The following ANKLE2 variants were observed in gnomAD, a reference collection of about 807,000 sequenced individuals.
ANKLE2 encodes ankyrin repeat and LEM domain containing 2.
A neutral mutation model predicts 84.2 loss-of-function variants in ANKLE2; 55 were observed. The ratio of observed to expected loss-of-function variants is 0.65; its 90% CI spans 0.53 to 0.82. The LOEUF is 0.82. Among genes scored for constraint, ANKLE2 ranks in the 40% least tolerant of loss-of-function variants. ANKLE2 has a pLI of 0.00. For synonymous variants in ANKLE2, 551 were observed against 486.1 expected, an observed-to-expected ratio of 1.13 and a Z score of -1.76; for missense variants, 1,238 against 1,201.9, an observed-to-expected ratio of 1.03 and a Z score of -0.44.
intron 11 of ANKLE2, among the ~76,000 whole-genome samples, chr12:132,729,053 C>T (rs1409612656): frequency 2.0e-5 from 3 of 151,918 alleles, no homozygotes; most frequent in Non-Finnish European, 4.4e-5. Flanking sequence ...GGCAAGTCCA[C>T]ACAAAAGCTT....
chr12:132,755,726 A>G (rs2044466468), intron 1 of ANKLE2: 1 of 151,076 alleles, frequency 6.6e-6, no homozygotes, highest in South Asian at 2.1e-4. Context: ...ACACCTAGCT[A>G]ATTTTTGTAT....
At chr12:132,747,716 G>A in intron 5 of ANKLE2, 116 bp downstream of exon 5, 1 of 1,315,036 alleles carries the variant, frequency 7.6e-7, no homozygotes, top group East Asian at 2.5e-5. Flanking sequence ...TGTAATTGAT[G>A]TATCTTTTCC....
chr12:132,736,481 G>A (rs2044011435), intron 8 of ANKLE2, among the ~76,000 whole-genome samples: 1 of 152,230 alleles, frequency 6.6e-6, no homozygotes, highest in African/African-American at 2.4e-5. Context: ...AAGCCAGCGG[G>A]GGCTGCAGCC....
At chr12:132,744,627 A>G (rs1382787917) in intron 5 of ANKLE2, among the ~76,000 whole-genome samples, 1 of 152,116 alleles carries the variant, frequency 6.6e-6, no homozygotes. Flanking sequence ...CCTGTACTCC[A>G]TCCTTCTGTC....
chr12:132,735,284 C>A (rs999691144), intron 9 of ANKLE2, 122 bp downstream of exon 9: 2 of 916,252 alleles, frequency 2.2e-6, no homozygotes, highest in Non-Finnish European at 3.6e-6. Context: ...ACGAAAAGGA[C>A]CAAGTCTCCC....
intron 2 of ANKLE2, among the ~76,000 whole-genome samples, chr12:132,754,214 C>G (rs1312387554): frequency 6.6e-6 from 1 of 152,116 alleles, no homozygotes; most frequent in Admixed American, 6.5e-5. Flanking sequence ...TGCACTCTGG[C>G]CTGGGCAACA....
At position 132,750,513 on chromosome 12, in the gene ANKLE2, G is replaced by A. The variant is rs771631143; in HGVS notation, c.847+130C>T. The A allele has an allele frequency of 1.0e-4, 91 of 893,608 alleles. No homozygotes were observed. The Middle Eastern group carries it at 1.6e-3, about 16-fold the overall frequency. 55.4% of individuals were successfully genotyped at this position (893,608 alleles called of 1,614,324 possible). ...AGCATCAGAGCCAGCATGGCCTCCT[G>A]GTCCACTGAGACCCCATCGACTCTA... On this transcript the variant is annotated intron_variant, in intron 3 of 12. Coordinates refer to ENST00000357997, the MANE Select transcript of ANKLE2 (RefSeq NM_015114.3).
intron 5 of ANKLE2, among the ~76,000 whole-genome samples, chr12:132,746,615 ATTTT>A (rs950547590): frequency 2.0e-5 from 3 of 151,040 alleles, no homozygotes; most frequent in Non-Finnish European, 4.4e-5. Context: ...CAAATTCATT[ATTTT>A]TTTTTAATGC....
rs764295659 is a variant in ANKLE2, at chr12:132,736,999, G to A, written c.1487C>T (p.Ser496Phe). The A allele has an allele frequency of 6.2e-7, 1 of 1,613,492 alleles. No individual in the cohort carries two copies. The highest frequency in any genetic ancestry group is 1.1e-5 in the South Asian group (1 of 91,064). ...AGAGGCCTCAGCCGTCTGGTCTGGG[G>A]ACCACAGCTCCCCGATGACTGGAGA... ...TSSPVIGELW[S>F]PDQTAEASHV... is the part of the protein sequence containing the mutation. The change falls in exon 8 of 13, where the codon TCC becomes TTC. Residue 496 changes from serine to phenylalanine, a missense_variant. Ser to Phe is a radical substitution (Grantham distance 155). Around this residue, in one of 3 missense-constraint regions of ANKLE2, gnomAD observed 802 missense variants for 774.5 expected, o/e 1.04. Coordinates refer to ENST00000357997, the MANE Select transcript of ANKLE2 (RefSeq NM_015114.3).
In ANKLE2 at chr12:132,743,242, A is replaced by G; in HGVS notation, c.1265T>C (p.Phe422Ser). ...CACGTTGACTACATCTGCATTTCCA[A>G]ACTTACAAGCAAAATGCAACGGTGT... ...YDTPLHFACK[F>S]GNADVVNVLS... The change falls in exon 6 of 13, where the codon TTT becomes TCT. Residue 422 changes from phenylalanine to serine, a missense_variant. By Grantham distance (155) the Phe-to-Ser change is radical (BLOSUM62 -2). Transcript: ENST00000357997. The surrounding 1 kb of genome is among the most constrained non-coding windows in gnomAD (Gnocchi z 4.1). 1 of 1,611,646 alleles carries G rather than the reference A, an allele frequency of 6.2e-7. No individual in the cohort carries two copies. The highest frequency in any genetic ancestry group is 8.5e-7 in the Non-Finnish European group (1 of 1,178,876).
chr12:132,754,637 C>G, intron 2 of ANKLE2, 38 bp downstream of exon 2: 1 of 1,552,294 alleles, frequency 6.4e-7, no homozygotes, highest in Non-Finnish European at 8.7e-7. Context: ...CGCGTATGTG[C>G]TATCTGTGTG....
Position 132,741,705 on chromosome 12 carries a change from T to C in ANKLE2, c.1354-220A>G, listed in dbSNP as rs1271546921. 4.5e-6 allele frequency: 3 copies of C among 660,068 alleles called. No homozygotes were observed. The African/African-American group carries it at 5.3e-5, about 12-fold the overall frequency. The allele number at this position is 660,068 out of a possible 1,614,324, so 40.9% of individuals were successfully genotyped here. Reference sequence around the variant, plus strand: ...ACACACTCTGGGATTATGGGTAAATTTACTTCTTGTTTGCGCTACTCGACA... The same window carrying C: ...ACACACTCTGGGATTATGGGTAAATCTACTTCTTGTTTGCGCTACTCGACA... On this transcript the variant is annotated intron_variant, in intron 6 of 12. Transcript: ENST00000357997.
chr12:132,737,132 G>C, intron 7 of ANKLE2, 67 bp from the exon 8 acceptor site: 1 of 1,502,118 alleles, frequency 6.7e-7, no homozygotes, highest in Non-Finnish European at 8.9e-7. Flanking sequence ...TGGGTGAGCA[G>C]GACGGGGATC....
At chr12:132,741,118 G>C (rs1339008028) in intron 7 of ANKLE2, among the ~76,000 whole-genome samples, 1 of 152,184 alleles carries the variant, frequency 6.6e-6, no homozygotes, top group Admixed American at 6.5e-5. Flanking sequence ...CTGCGAGAGA[G>C]ACCGATGGAT....
chr12:132,761,645 G>A lies in ANKLE2; in HGVS notation c.154C>T (p.Pro52Ser). Reference sequence around the variant, plus strand: ...GAGGCGGGGGCGGCGGCCGCGCTTGGCGGAGGAACTGGGGTCCCGCTGCGG... The same window carrying A: ...GAGGCGGGGGCGGCGGCCGCGCTTGACGGAGGAACTGGGGTCCCGCTGCGG... ...LGRSGTPVPP[P>S]SAAAAPASGE... Residue 52 changes from proline to serine, a missense_variant, in exon 1 of 13, where the codon CCA becomes TCA. Around this residue, in one of 3 missense-constraint regions of ANKLE2, gnomAD observed 422 missense variants for 394.5 expected, o/e 1.07. Coordinates refer to ENST00000357997, the MANE Select transcript of ANKLE2 (RefSeq NM_015114.3). The A allele has an allele frequency of 7.1e-6, 9 of 1,269,214 alleles. No individual in the cohort carries two copies. The highest frequency in any genetic ancestry group is 8.9e-6 in the Non-Finnish European group (9 of 1,008,814). 78.6% of individuals were successfully genotyped at this position (1,269,214 alleles called of 1,614,324 possible).
In ANKLE2 at chr12:132,728,137, T is replaced by A; in HGVS notation, c.2510A>T (p.Asp837Val). Residue 837 changes from aspartate to valine, a missense_variant, in exon 12 of 13, where the codon GAT (aspartate) becomes GTT (valine). Asp to Val is a radical substitution (Grantham distance 152). This residue lies in a region of ANKLE2 where 802 missense variants were observed against 774.5 expected (regional missense o/e 1.04). Coordinates refer to ENST00000357997, the MANE Select transcript of ANKLE2 (RefSeq NM_015114.3). ...TGCACATTCAAGAGCGGCCAAAACATCCTGATCGAGTTTTGATGGCTCCTC... is the reference window on the plus strand; with the variant it reads ...TGCACATTCAAGAGCGGCCAAAACAACCTGATCGAGTTTTGATGGCTCCTC... ...FGEEPSKLDQ[D>V]VLAALECADV... 1 of 1,612,622 alleles carries A rather than the reference T, an allele frequency of 6.2e-7. No homozygotes were observed. Among genetic ancestry groups the A allele is most frequent in the Non-Finnish European group, 8.5e-7 (1 of 1,179,876 alleles).
Position 132,743,030 on chromosome 12 carries a change from C to T in ANKLE2, c.1353+124G>A, listed in dbSNP as rs1566024674. On this transcript the variant is annotated intron_variant, in intron 6 of 12. Transcript: ENST00000357997. This position sits in a 1 kb window ranked among gnomAD's most constrained non-coding sequence, Gnocchi z 4.1. The stretch of plus-strand genomic sequence containing the variant: ...AACAGCCAAGGTTCTAACATGTGCC[C>T]ATAAAGCAAACACAACTCATACAGA... 1.2e-6 allele frequency: 1 copy of T among 854,482 alleles called. No homozygotes were observed. Among genetic ancestry groups the T allele is most frequent in the Non-Finnish European group, 1.7e-6 (1 of 594,074 alleles). 52.9% of individuals were successfully genotyped at this position (854,482 alleles called of 1,614,324 possible). A position where few individuals can be genotyped will look rare whatever the true frequency, so the allele number is the denominator to read the frequency against.
intron 10 of ANKLE2, chr12:132,733,944 T>G: frequency 2.2e-6 from 1 of 457,008 alleles, no homozygotes; most frequent in Non-Finnish European, 4.4e-6. Flanking sequence ...CTCAAAGCGA[T>G]GCCATTATTT....
chr12:132,757,074 T>C (rs1168464641), intron 1 of ANKLE2: 3 of 152,224 alleles, frequency 2.0e-5, no homozygotes, highest in Non-Finnish European at 4.4e-5. Context: ...GAAGCTAACC[T>C]ACGTAACTTT....
Sources: allele counts gnomAD v4.1 joint callset (sites outside exome capture counted in the v4.1 genomes callset), GRCh38; gene constraint gnomAD v4.1.1; regional missense constraint gnomAD v4.1.1; non-coding constraint Gnocchi (gnomAD v3.1); transcripts MANE v1.5; gene names NCBI Gene and HGNC (gene_info 2026-07-23, HGNC 2026-07-21).